The following F5 variants were observed in gnomAD, a reference collection of about 807,000 sequenced individuals.
F5 encodes activated protein c cofactor.
Under a neutral mutation model 216.4 loss-of-function variants are expected in F5, and 138 were observed. That is an observed-to-expected ratio of 0.64 (90% confidence interval 0.56 to 0.73). The LOEUF (loss-of-function observed/expected upper bound fraction) is 0.73, where lower values mean the gene tolerates loss of function less well. F5 is among the 30% of genes least tolerant of loss of function. The pLI, the probability that F5 is intolerant of heterozygous loss-of-function variation, is 0.00. For synonymous variants in F5, 916 were observed against 930.7 expected, an observed-to-expected ratio of 0.98 and a Z score of 0.29; for missense variants, 2,403 against 2,674.0, an observed-to-expected ratio of 0.90 and a Z score of 2.24.
chr1:169,579,912 A>G (rs557833136), intron 2 of F5, among the ~76,000 whole-genome samples: 5 of 152,160 alleles, frequency 3.3e-5, no homozygotes, highest in African/African-American at 7.2e-5. Context: ...GGGACTCCCT[A>G]TTCCTCTCAA....
intron 5 of F5, among the ~76,000 whole-genome samples, chr1:169,558,110 AG>A (rs1660373758): frequency 6.6e-6 from 1 of 152,150 alleles, no homozygotes; most frequent in Non-Finnish European, 1.5e-5. Flanking sequence ...TCACTCTGCC[AG>A]GAAATAGATG....
intron 14 of F5, among the ~76,000 whole-genome samples, chr1:169,535,095 A>G (rs949112851): frequency 6.6e-6 from 1 of 152,202 alleles, no homozygotes; most frequent in Non-Finnish European, 1.5e-5. Context: ...TACTTGGATG[A>G]TGGGATCAAT....
At position 169,540,813 on chromosome 1, in the gene F5, T is replaced by G. The variant is rs1258502399; in HGVS notation, c.4277A>C (p.Gln1426Pro). The G allele has an allele frequency of 1.2e-6, 2 of 1,614,084 alleles. No individual in the cohort carries two copies. The highest frequency in any genetic ancestry group is 8.5e-7 in the Non-Finnish European group (1 of 1,179,998). Residue 1426 changes from glutamine to proline, a missense_variant, in exon 13 of 25, where the codon CAG (glutamine) becomes CCG (proline). Physicochemically the swap from Gln to Pro is moderately conservative, Grantham distance 76 (BLOSUM62 -1). Transcript: ENST00000367797. ...GETDLSPNFGQMSLSPDLSQV... is the reference protein window; with the variant it reads ...GETDLSPNFGPMSLSPDLSQV... ...GCTGAGGTCTGGGGAAAGGGACATC[T>G]GACCAAAGTTTGGGGAAAGATCTGT...
chr1:169,583,181 G>A (rs1046322647), intron 1 of F5, among the ~76,000 whole-genome samples: 1 of 152,216 alleles, frequency 6.6e-6, no homozygotes, highest in Non-Finnish European at 1.5e-5. Flanking sequence ...GTTGTGAGTG[G>A]TGGGTTACTT....
intron 21 of F5, 111 bp from the exon 22 acceptor site, chr1:169,520,775 A>G (rs1659281653): frequency 1.1e-6 from 1 of 890,150 alleles, no homozygotes; most frequent in African/African-American, 1.7e-5. Context: ...TGGGGTCCAA[A>G]CTAAATCAAT....
At chr1:169,521,915 G>A (rs200904489) in intron 21 of F5, among the ~76,000 whole-genome samples, 1 of 145,774 alleles carries the variant, frequency 6.9e-6, no homozygotes, top group Non-Finnish European at 1.5e-5. Flanking sequence ...CACTGCGCCC[G>A]GCCAAGAAGA....
intron 3 of F5, among the ~76,000 whole-genome samples, chr1:169,570,080 C>T (rs1210613618): frequency 6.6e-6 from 1 of 152,126 alleles, no homozygotes; most frequent in Non-Finnish European, 1.5e-5. Flanking sequence ...ATTTTACTTT[C>T]CCTACCAATA....
intron 2 of F5, among the ~76,000 whole-genome samples, chr1:169,575,392 A>T (rs1402948472): frequency 6.6e-6 from 1 of 152,204 alleles, no homozygotes; most frequent in Non-Finnish European, 1.5e-5. Flanking sequence ...TAAGCCTCAT[A>T]GAGTTTTCCC....
chr1:169,540,025 G>A (rs570652088), intron 13 of F5, among the ~76,000 whole-genome samples: 3 of 152,126 alleles, frequency 2.0e-5, no homozygotes, highest in Non-Finnish European at 4.4e-5. Flanking sequence ...GTAGAAACAT[G>A]GGTAGTAAGA....
chr1:169,581,373 CAG>C (rs1396549279), intron 2 of F5, among the ~76,000 whole-genome samples: 1 of 151,682 alleles, frequency 6.6e-6, no homozygotes, highest in Non-Finnish European at 1.5e-5. Flanking sequence ...GAGAATGATA[CAG>C]AGTTCTCATA....
At chr1:169,574,843 C>T (rs900501460) in intron 2 of F5, among the ~76,000 whole-genome samples, 1 of 152,138 alleles carries the variant, frequency 6.6e-6, no homozygotes, top group African/African-American at 2.4e-5. Context: ...TTCCTTTATT[C>T]ATTCCTTTAT....
chr1:169,578,574 G>A (rs1006475177), intron 2 of F5, among the ~76,000 whole-genome samples: 7 of 152,084 alleles, frequency 4.6e-5, no homozygotes, highest in Non-Finnish European at 7.4e-5. Context: ...TTCAAATACC[G>A]GCCCCAATCC....
intron 3 of F5, 39 bp downstream of exon 3, chr1:169,572,182 A>T (rs778465951): frequency 5.0e-6 from 8 of 1,597,416 alleles, no homozygotes; most frequent in Non-Finnish European, 1.7e-6. Flanking sequence ...AAAGACTTAG[A>T]CATTTTCCCT....
At chr1:169,574,228 A>C (rs1310022118) in intron 2 of F5, among the ~76,000 whole-genome samples, 1 of 152,034 alleles carries the variant, frequency 6.6e-6, no homozygotes, top group Non-Finnish European at 1.5e-5. Flanking sequence ...GGATGACTGT[A>C]CTAGAATTTC....
In F5 at chr1:169,512,874, C is replaced by A. The variant is rs1360168935; in HGVS notation, c.*1439G>T. The stretch of plus-strand genomic sequence containing the variant: ...GGTCCTTATGCAGTTCCCTTCTACA[C>A]TGAATCGAGACTGGCCTGTAATTTG... On this transcript the variant is annotated 3_prime_UTR_variant, in exon 25 of 25. Coordinates refer to ENST00000367797, the MANE Select transcript of F5 (RefSeq NM_000130.5). Among the ~76,000 whole-genome samples the A allele has an allele frequency of 1.3e-5, 2 of 152,066 alleles. No homozygotes were observed. Among genetic ancestry groups the A allele is most frequent in the African/African-American group, 4.8e-5 (2 of 41,430 alleles).
intron 24 of F5, 148 bp downstream of exon 24, chr1:169,515,296 G>A: frequency 3.0e-6 from 3 of 984,808 alleles, no homozygotes; most frequent in Non-Finnish European, 4.8e-6. Context: ...CCAGGAGTTT[G>A]TCTGAGACCA....
intron 7 of F5, among the ~76,000 whole-genome samples, chr1:169,553,386 A>G (rs1660220799): frequency 6.6e-6 from 1 of 152,176 alleles, no homozygotes; most frequent in Non-Finnish European, 1.5e-5. Flanking sequence ...AAAGCTCAAC[A>G]TCAGTGTTCA....
intron 11 of F5, among the ~76,000 whole-genome samples, chr1:169,544,745 C>A (rs947344668): frequency 6.6e-6 from 1 of 152,202 alleles, no homozygotes; most frequent in Admixed American, 6.5e-5. Context: ...TAAAGCCTTC[C>A]ATTTACATTG....
rs752066422 is a variant in F5, at chr1:169,556,880, G to A, written c.731-13C>T. 6.2e-6 allele frequency: 10 copies of A among 1,611,018 alleles called. No homozygotes were observed. In the African/African-American group the frequency reaches 1.3e-4, roughly 22 times the overall value. ...CAAACTGTTATATCTGAGAAAGAGG[G>A]AGAGACACAGGCCAAAATAAGCATT... On this transcript the variant is annotated splice_polypyrimidine_tract_variant and intron_variant, in intron 5 of 24. Transcript: ENST00000367797.
Sources: gnomAD v4.1 joint callset for allele counts (sites outside exome capture counted in the v4.1 genomes callset) on GRCh38, gnomAD v4.1.1 for gene constraint, MANE v1.5 for transcripts, NCBI Gene and HGNC (gene_info 2026-07-23, HGNC 2026-07-21) for gene names.